Variants in ATRNL1 observed in about 807,000 individuals in gnomAD.
ATRNL1 encodes the protein attractin like 1.
In ATRNL1, 95 loss-of-function variants were observed where a neutral mutation model predicts 182.7. The ratio of observed to expected loss-of-function variants is 0.52; its 90% CI spans 0.44 to 0.62. The LOEUF (loss-of-function observed/expected upper bound fraction) is 0.62, where lower values mean the gene tolerates loss of function less well. Ranked by LOEUF, ATRNL1 falls within the 20% of genes least tolerant of loss-of-function variation. The probability of loss-of-function intolerance (pLI) is 0.00; values close to 1 mark genes in which losing one functional copy is unlikely to be tolerated. For missense variants in ATRNL1, 1,471 were observed against 1,679.5 expected, an observed-to-expected ratio of 0.88 and a Z score of 2.17; for synonymous variants, 576 against 568.3, an observed-to-expected ratio of 1.01 and a Z score of -0.19.
chr10:115,383,038 G>A (rs1186204695), intron 19 of ATRNL1, among the ~76,000 whole-genome samples: 7 of 151,128 alleles, frequency 4.6e-5, no homozygotes, highest in African/African-American at 1.7e-4. Context: ...TTCTAGTTGA[G>A]TATTTTTAAT....
intron 8 of ATRNL1, among the ~76,000 whole-genome samples, chr10:115,189,755 T>A (rs1016285139): frequency 3.3e-5 from 5 of 152,208 alleles, no homozygotes; most frequent in South Asian, 4.1e-4. Flanking sequence ...AAAAATATTT[T>A]AAAAAATTTA....
chr10:115,463,455 A>G (rs965871256), intron 22 of ATRNL1, among the ~76,000 whole-genome samples: 17 of 152,148 alleles, frequency 1.1e-4, no homozygotes, highest in Admixed American at 3.3e-4. Context: ...ACATTTATCA[A>G]TGTGATAAAG....
intron 28 of ATRNL1, among the ~76,000 whole-genome samples, chr10:115,912,220 A>G (rs1555116083): frequency 2.0e-5 from 3 of 152,206 alleles, no homozygotes; most frequent in African/African-American, 7.2e-5. Context: ...TGTTGATTAT[A>G]GGAAAAGCTC....
At chr10:115,190,770 T>C (rs890485600) in intron 8 of ATRNL1, among the ~76,000 whole-genome samples, 9 of 152,128 alleles carry the variant, frequency 5.9e-5, no homozygotes, top group South Asian at 2.1e-4. Context: ...CTAATAAAAA[T>C]ATACAATAAA....
chr10:115,431,401 T>TAAAAAAAAA (rs3981285), intron 21 of ATRNL1, among the ~76,000 whole-genome samples: 1 of 110,848 alleles, frequency 9.0e-6, no homozygotes, highest in Non-Finnish European at 2.0e-5. Context: ...AGAGTGAAAC[T>TAAAAAAAAA]AAAAAAAAAA....
At chr10:115,638,473 C>T (rs1859034444) in intron 26 of ATRNL1, among the ~76,000 whole-genome samples, 1 of 152,090 alleles carries the variant, frequency 6.6e-6, no homozygotes, top group Non-Finnish European at 1.5e-5. Context: ...ACACAAAAGG[C>T]CACTTATTGT....
intron 24 of ATRNL1, among the ~76,000 whole-genome samples, chr10:115,486,650 C>G (rs1444322494): frequency 1.3e-5 from 2 of 152,070 alleles, no homozygotes; most frequent in East Asian, 3.9e-4. Flanking sequence ...AGCCCTTTGT[C>G]AGATGGATAG....
intron 26 of ATRNL1, among the ~76,000 whole-genome samples, chr10:115,696,818 T>C (rs961332773): frequency 1.3e-4 from 20 of 151,820 alleles, no homozygotes; most frequent in Admixed American, 6.6e-4. Flanking sequence ...AGGAAACTTA[T>C]AATCATGGCA....
At chr10:115,326,389 A>C (rs28651767) in intron 18 of ATRNL1, among the ~76,000 whole-genome samples, 1,964 of 152,210 alleles carry the variant, frequency 0.013, 37 homozygotes, top group African/African-American at 0.044. Context: ...ACATGAAGGA[A>C]CTCTTCAAGG....
intron 28 of ATRNL1, among the ~76,000 whole-genome samples, chr10:115,905,404 A>C (rs868938973): frequency 1.5e-5 from 2 of 129,292 alleles, no homozygotes; most frequent in Non-Finnish European, 3.2e-5. Context: ...TTTTTTTTTT[A>C]AGTTTTGTAG....
chr10:115,680,639 G>A (rs1357222979), intron 26 of ATRNL1, among the ~76,000 whole-genome samples: 3 of 152,100 alleles, frequency 2.0e-5, no homozygotes, highest in Non-Finnish European at 4.4e-5. Context: ...CCTGAGCTTT[G>A]TAGTCTTGGA....
intron 25 of ATRNL1, among the ~76,000 whole-genome samples, chr10:115,525,442 C>A (rs1362791118): frequency 2.6e-5 from 4 of 152,170 alleles, no homozygotes; most frequent in African/African-American, 4.8e-5. Flanking sequence ...GACTATCTCT[C>A]GTATTTTCGG....
intron 28 of ATRNL1, among the ~76,000 whole-genome samples, chr10:115,934,143 G>A (rs1271294088): frequency 3.3e-5 from 5 of 152,126 alleles, no homozygotes; most frequent in Non-Finnish European, 1.5e-5. Context: ...AGTGTCATCG[G>A]TCTGAGGCCC....
At chr10:115,740,663 G>A (rs576462719) in intron 27 of ATRNL1, among the ~76,000 whole-genome samples, 37 of 152,114 alleles carry the variant, frequency 2.4e-4, no homozygotes, top group Admixed American at 2.2e-3. Context: ...ACACCACCAT[G>A]CCTTGCTAAT....
At chr10:115,208,451 G>A (rs1272985811) in intron 8 of ATRNL1, among the ~76,000 whole-genome samples, 1 of 152,032 alleles carries the variant, frequency 6.6e-6, no homozygotes, top group Non-Finnish European at 1.5e-5. Flanking sequence ...CCTTTAAGGG[G>A]TGTTGGACTT....
At chr10:115,818,627 C>CT (rs1555089330) in intron 27 of ATRNL1, among the ~76,000 whole-genome samples, 1 of 152,088 alleles carries the variant, frequency 6.6e-6, no homozygotes, top group African/African-American at 2.4e-5. Flanking sequence ...CTTCACATCT[C>CT]TAATATTTGA....
chr10:115,303,582 T>C (rs1454623347), intron 17 of ATRNL1, among the ~76,000 whole-genome samples: 8 of 152,156 alleles, frequency 5.3e-5, no homozygotes, highest in African/African-American at 1.9e-4. Flanking sequence ...TATCAGTTAT[T>C]TGGTAAAGTC....
At chr10:115,271,659 C>T (rs1851874119) in intron 13 of ATRNL1, among the ~76,000 whole-genome samples, 1 of 152,174 alleles carries the variant, frequency 6.6e-6, no homozygotes, top group South Asian at 2.1e-4. Context: ...CATATATTCT[C>T]ACCTAACCAT....
At chr10:115,905,948 A>G (rs150401268) in intron 28 of ATRNL1, among the ~76,000 whole-genome samples, 5 of 152,352 alleles carry the variant, frequency 3.3e-5, no homozygotes, top group East Asian at 1.9e-4. Flanking sequence ...CCTGGTTTAT[A>G]GGGTGAACTG....
Sources: gnomAD v4.1 joint callset for allele counts (sites outside exome capture counted in the v4.1 genomes callset) on GRCh38, gnomAD v4.1.1 for gene constraint, MANE v1.5 for transcripts, NCBI Gene and HGNC (gene_info 2026-07-23, HGNC 2026-07-21) for gene names.